The following SLC38A11 variants were observed in gnomAD, a reference collection of about 807,000 sequenced individuals.
The protein encoded by SLC38A11 is putative sodium-coupled neutral amino acid transporter 11.
Under a neutral mutation model 49.4 loss-of-function variants are expected in SLC38A11, and 51 were observed. The ratio of observed to expected loss-of-function variants is 1.03; its 90% CI spans 0.83 to 1.30. The LOEUF (loss-of-function observed/expected upper bound fraction) is 1.30. Among genes scored for constraint, SLC38A11 ranks in the 50% most tolerant of loss-of-function variants. The pLI is 0.00. For synonymous variants in SLC38A11, 203 were observed against 192.9 expected, an observed-to-expected ratio of 1.05 and a Z score of -0.43; for missense variants, 574 against 556.2, an observed-to-expected ratio of 1.03 and a Z score of -0.32.
chr2:164,928,690 T>C (rs1201449915), intron 7 of SLC38A11, among the ~76,000 whole-genome samples: 1 of 151,624 alleles, frequency 6.6e-6, no homozygotes, highest in Non-Finnish European at 1.5e-5. Context: ...GTGAGACCAA[T>C]AGGAAATTTA....
chr2:164,936,893 AG>A (rs1687410446), intron 7 of SLC38A11, among the ~76,000 whole-genome samples: 1 of 152,192 alleles, frequency 6.6e-6, no homozygotes, highest in Non-Finnish European at 1.5e-5. Flanking sequence ...TTTTATCCTT[AG>A]TTCACAAATG....
intron 6 of SLC38A11, among the ~76,000 whole-genome samples, chr2:164,938,820 C>T (rs1354848288): frequency 3.9e-5 from 6 of 152,178 alleles, no homozygotes; most frequent in East Asian, 1.9e-4. Flanking sequence ...ATTACGTAGA[C>T]GTAGTACCAA....
At chr2:164,930,134 A>G (rs1686892345) in intron 7 of SLC38A11, among the ~76,000 whole-genome samples, 1 of 152,144 alleles carries the variant, frequency 6.6e-6, no homozygotes, top group African/African-American at 2.4e-5. Flanking sequence ...CTCCATGCAC[A>G]TAAACTAGAA....
In SLC38A11 at chr2:164,898,675, T is replaced by G; in HGVS notation, c.1151A>C (p.Lys384Thr). Reference protein sequence around the residue: ...IFIIPSACYLKLSEEPRTHSD... With the variant: ...IFIIPSACYLTLSEEPRTHSD... The stretch of plus-strand genomic sequence containing the variant: ...GTGTGTCCTTGGTTCTTCAGACAGT[T>G]TCAGATAACAGGCTGATGGAATGAT... Residue 384 changes from lysine to threonine, a missense_variant, in exon 12 of 12, where the codon AAA (lysine) becomes ACA (threonine). By Grantham distance (78) the Lys-to-Thr change is moderately conservative. Coordinates refer to ENST00000685975, the MANE Select transcript of SLC38A11 (RefSeq NM_001351537.2). 6.2e-7 allele frequency: 1 copy of G among 1,613,484 alleles called. No homozygotes were observed. The highest frequency in any genetic ancestry group is 8.5e-7 in the Non-Finnish European group (1 of 1,179,668).
Position 164,908,776 on chromosome 2 carries a change from C to T in SLC38A11, c.964-5G>A, listed in dbSNP as rs1264108507. 1.4e-5 allele frequency: 23 copies of T among 1,602,888 alleles called. No individual in the cohort carries two copies. Among genetic ancestry groups the T allele is most frequent in the African/African-American group, 2.7e-5 (2 of 74,506 alleles). ...AAAAAACACATTGGCAATTACCTGC[C>T]GAATAAACAGATTATTTTGAGAGGG... is the stretch of plus-strand genomic sequence containing the variant. On this transcript the variant is annotated splice_region_variant and splice_polypyrimidine_tract_variant and intron_variant, in intron 10 of 11. Transcript: ENST00000685975.
Position 164,897,983 on chromosome 2 carries a change from A to G in SLC38A11, c.*454T>C, listed in dbSNP as rs1684413762. The G allele has an allele frequency of 6.5e-6, 1 of 153,370 alleles. No homozygotes were observed. 9.5% of individuals were successfully genotyped at this position (153,370 alleles called of 1,614,324 possible). On this transcript the variant is annotated 3_prime_UTR_variant, in exon 12 of 12. Transcript: ENST00000685975. Reference sequence around the variant, plus strand: ...GAGAGCTCCTCTTTGTTCTTGGGATATGTCTTCTTTTCAATCGTTTTGGGT... The same window carrying G: ...GAGAGCTCCTCTTTGTTCTTGGGATGTGTCTTCTTTTCAATCGTTTTGGGT...
chr2:164,952,887 A>G (rs1434958077), intron 2 of SLC38A11, 106 bp from the exon 3 acceptor site: 2 of 762,648 alleles, frequency 2.6e-6, no homozygotes, highest in East Asian at 5.2e-5. Flanking sequence ...CAATTTATAT[A>G]CTTATATGAC....
rs1685409917 is a variant in SLC38A11 at position 164,911,631 on chromosome 2, C to T, written c.963+5G>A. Reference sequence around the variant, plus strand: ...GGTAAAGCGTTGGGAAGGAACCGCGCTTACCTCTCTTGTCACAAAGCATTC... The same window carrying T: ...GGTAAAGCGTTGGGAAGGAACCGCGTTTACCTCTCTTGTCACAAAGCATTC... On this transcript the variant is annotated splice_donor_5th_base_variant and intron_variant, in intron 10 of 11. Coordinates refer to ENST00000685975, the MANE Select transcript of SLC38A11 (RefSeq NM_001351537.2). 6.6e-7 allele frequency: 1 copy of T among 1,523,384 alleles called. No individual in the cohort carries two copies. The highest frequency in any genetic ancestry group is 1.2e-5 in the South Asian group (1 of 83,428). 94.4% of individuals were successfully genotyped at this position (1,523,384 alleles called of 1,614,324 possible).
intron 11 of SLC38A11, among the ~76,000 whole-genome samples, chr2:164,907,236 G>A (rs912538690): frequency 1.3e-5 from 2 of 148,974 alleles, no homozygotes; most frequent in African/African-American, 4.9e-5. Flanking sequence ...AATGTGTTTT[G>A]GGAATCCATC....
In SLC38A11 at chr2:164,955,307, G is replaced by T; in HGVS notation, c.-60C>A. 2.0e-6 allele frequency: 3 copies of T among 1,466,728 alleles called. No individual in the cohort carries two copies. The highest frequency in any genetic ancestry group is 2.8e-6 in the Non-Finnish European group (3 of 1,070,774). 90.9% of individuals were successfully genotyped at this position (1,466,728 alleles called of 1,614,324 possible). Reference sequence around the variant, plus strand: ...TGGGGCTGGGTACGGATTCGCACCCGGCCAGCCTCCTCCGCCACCTCGCAC... The same window carrying T: ...TGGGGCTGGGTACGGATTCGCACCCTGCCAGCCTCCTCCGCCACCTCGCAC... On this transcript the variant is annotated 5_prime_UTR_variant, in exon 1 of 12. Transcript: ENST00000685975.
At position 164,919,017 on chromosome 2, in the gene SLC38A11, C is replaced by T. The variant is rs115398616; in HGVS notation, c.618-3044G>A. Reference sequence around the variant, plus strand: ...ATTTTTAAATTCAAATAATAAAATACAGAAAAAAAGAAATCAAAGAATAAA... The same window carrying T: ...ATTTTTAAATTCAAATAATAAAATATAGAAAAAAAGAAATCAAAGAATAAA... On this transcript the variant is annotated intron_variant, in intron 7 of 11. Transcript: ENST00000685975. Among the ~76,000 whole-genome samples the T allele has an allele frequency of 9.6e-3, 1,462 of 151,958 alleles. 30 individuals carry two copies. The highest frequency in any genetic ancestry group is 0.034 in the African/African-American group (1,389 of 41,460).
At chr2:164,933,736 A>G (rs1406303104) in intron 7 of SLC38A11, among the ~76,000 whole-genome samples, 1 of 152,080 alleles carries the variant, frequency 6.6e-6, no homozygotes, top group Non-Finnish European at 1.5e-5. Context: ...TGTTTTATGG[A>G]TTACAAGCAT....
chr2:164,919,019 G>GA (rs1413852206), intron 7 of SLC38A11, among the ~76,000 whole-genome samples: 1 of 151,848 alleles, frequency 6.6e-6, no homozygotes, highest in Non-Finnish European at 1.5e-5. Flanking sequence ...ATAAAATACA[G>GA]AAAAAAAGAA....
chr2:164,909,077 T>G (rs556447781), intron 10 of SLC38A11, among the ~76,000 whole-genome samples: 1 of 152,268 alleles, frequency 6.6e-6, no homozygotes, highest in African/African-American at 2.4e-5. Flanking sequence ...AGTTATCTTA[T>G]CCTTCTTTCT....
At chr2:164,950,200 C>T (rs1486646912) in intron 3 of SLC38A11, 3 of 152,124 alleles carry the variant, frequency 2.0e-5, no homozygotes, top group African/African-American at 7.2e-5. Context: ...AACGGCTTAG[C>T]CAAGGTCTGA....
chr2:164,950,797 A>T (rs932098292), intron 3 of SLC38A11, among the ~76,000 whole-genome samples: 1 of 152,194 alleles, frequency 6.6e-6, no homozygotes. Context: ...ATACCTCATT[A>T]GTGGCCTTAA....
At chr2:164,915,572 G>A (rs562818203) in intron 8 of SLC38A11, 5 of 416,336 alleles carry the variant, frequency 1.2e-5, no homozygotes, top group South Asian at 6.6e-5. Context: ...TTTTCCCATC[G>A]TTTTCATCCT....
chr2:164,896,808 T>C lies in SLC38A11; in HGVS notation c.*1629A>G, dbSNP rs991728703. 1.3e-5 allele frequency: 2 copies of C among 152,140 alleles called. No individual in the cohort carries two copies. Among genetic ancestry groups the C allele is most frequent in the Admixed American group, 6.6e-5 (1 of 15,262 alleles). The allele number at this position is 152,140 out of a possible 1,614,324, so 9.4% of individuals were successfully genotyped here. ...AAAATGCATCTTCCTTTATGTTCAATAGGCCTTTCTCACTATGAGTCACAC... is the reference window on the plus strand; with the variant it reads ...AAAATGCATCTTCCTTTATGTTCAACAGGCCTTTCTCACTATGAGTCACAC... On this transcript the variant is annotated 3_prime_UTR_variant, in exon 12 of 12. Coordinates refer to ENST00000685975, the MANE Select transcript of SLC38A11 (RefSeq NM_001351537.2).
At chr2:164,911,786 C>A in intron 9 of SLC38A11, 38 bp from the exon 10 acceptor site, 1 of 1,192,158 alleles carries the variant, frequency 8.4e-7, no homozygotes, top group Non-Finnish European at 1.2e-6. Context: ...TTACTAGATA[C>A]TAAATGTTTG....
Sources: allele counts gnomAD v4.1 joint callset (sites outside exome capture counted in the v4.1 genomes callset), GRCh38; gene constraint gnomAD v4.1.1; transcripts MANE v1.5; gene names NCBI Gene and HGNC (gene_info 2026-07-23, HGNC 2026-07-21).